Variants in RPS6KA2 observed in about 807,000 individuals in gnomAD.
RPS6KA2 encodes the protein ribosomal protein S6 kinase A2, also known as ribosomal protein S6 kinase alpha-2.
RPS6KA2 carries 42 observed loss-of-function variants against 91.8 expected under a neutral mutation model. The ratio of observed to expected loss-of-function variants is 0.46; its 90% confidence interval spans 0.36 to 0.59. RPS6KA2 has a LOEUF of 0.59. Among genes scored for constraint, RPS6KA2 ranks in the 20% least tolerant of loss-of-function variants. The pLI, the probability that RPS6KA2 is intolerant of heterozygous loss-of-function variation, is 0.00. For missense variants in RPS6KA2, 798 were observed against 978.5 expected, an observed-to-expected ratio of 0.82 and a Z score of 2.46; for synonymous variants, 414 against 393.6, an observed-to-expected ratio of 1.05 and a Z score of -0.61.
In RPS6KA2 at chr6:166,423,564, C is replaced by T; in HGVS notation, c.1582-147G>A. 1.4e-6 allele frequency: 1 copy of T among 703,874 alleles called. No individual in the cohort carries two copies. The highest frequency in any genetic ancestry group is 3.1e-5 in the Admixed American group (1 of 32,452). The allele number at this position is 703,874 out of a possible 1,614,324, so 43.6% of individuals were successfully genotyped here. A position where few individuals can be genotyped will look rare whatever the true frequency, so the allele number is the denominator to read the frequency against. On this transcript the variant is annotated intron_variant, in intron 16 of 20. Transcript: ENST00000265678. This position sits in a 1 kb window ranked among gnomAD's most constrained non-coding sequence, Gnocchi z 4.8. ...GGCAACAGGCCAACAGTGTCAACAG[C>T]TGCTGTCTTCTCCAGAGGGCCCCCC...
chr6:166,450,343 AT>A (rs1779853373), intron 13 of RPS6KA2, among the ~76,000 whole-genome samples: 1 of 142,474 alleles, frequency 7.0e-6, no homozygotes, highest in African/African-American at 2.6e-5. Flanking sequence ...AGGGACCACC[AT>A]GGGAGGCCAC....
At chr6:166,594,473 TC>T (rs1785465867) in intron 1 of RPS6KA2, among the ~76,000 whole-genome samples, 1 of 152,194 alleles carries the variant, frequency 6.6e-6, no homozygotes, top group Non-Finnish European at 1.5e-5. Flanking sequence ...CTTTTTTTTT[TC>T]TTTTTTGAGA....
intron 2 of RPS6KA2, among the ~76,000 whole-genome samples, chr6:166,691,181 G>A (rs746411893): frequency 3.3e-5 from 5 of 152,128 alleles, no homozygotes; most frequent in Non-Finnish European, 2.9e-5. Context: ...TGATTGCCCT[G>A]AAAATTACGG....
intron 2 of RPS6KA2, among the ~76,000 whole-genome samples, chr6:166,727,379 T>C (rs1485790707): frequency 6.6e-6 from 1 of 151,904 alleles, no homozygotes; most frequent in Non-Finnish European, 1.5e-5. Context: ...CTGTAATGTG[T>C]TACCAGTTCC....
intron 1 of RPS6KA2, among the ~76,000 whole-genome samples, chr6:166,573,665 A>C (rs1784755595): frequency 6.6e-6 from 1 of 151,890 alleles, no homozygotes; most frequent in Non-Finnish European, 1.5e-5. Flanking sequence ...TGCTGCACTT[A>C]CTCCCATTGA....
chr6:166,692,457 A>G (rs886697340), intron 2 of RPS6KA2, among the ~76,000 whole-genome samples: 10 of 152,218 alleles, frequency 6.6e-5, no homozygotes, highest in Non-Finnish European at 1.3e-4. Context: ...ACAAGACAGA[A>G]TAACACTGGA....
At chr6:166,503,870 C>T (rs571667301) in intron 6 of RPS6KA2, among the ~76,000 whole-genome samples, 1 of 152,320 alleles carries the variant, frequency 6.6e-6, no homozygotes, top group Non-Finnish European at 1.5e-5. Context: ...AATAGCCTCA[C>T]AGGTCACCAC....
intron 14 of RPS6KA2, among the ~76,000 whole-genome samples, chr6:166,439,030 T>C (rs796837607): frequency 6.6e-6 from 1 of 152,216 alleles, no homozygotes; most frequent in South Asian, 2.1e-4. Flanking sequence ...AGAATTATAT[T>C]ATAAACCCCG....
chr6:166,421,421 A>G (rs185204979), intron 17 of RPS6KA2, among the ~76,000 whole-genome samples: 6 of 152,312 alleles, frequency 3.9e-5, no homozygotes, highest in Admixed American at 1.3e-4. Context: ...TGTGTCCTCC[A>G]TTTGTCTAAA....
rs71639661 is a variant in RPS6KA2 at position 166,767,774 on chromosome 6, AACACACACACACACACACACAC to A, written c.123+90404_123+90425del. Among the ~76,000 whole-genome samples, 2 of 146,854 alleles carry A rather than the reference AACACACACACACACACACACAC, an allele frequency of 1.4e-5. No homozygotes were observed. Among genetic ancestry groups the A allele is most frequent in the Admixed American group, 1.4e-4 (2 of 14,792 alleles). On this transcript the variant is annotated intron_variant, in intron 2 of 21. Coordinates refer to the RPS6KA2 transcript ENST00000503859. The surrounding 1 kb of genome is among the most constrained non-coding windows in gnomAD (Gnocchi z 4.6). ...AAGAACTAAAGACAATACCTCCTCA[AACACACACACACACACACACAC>A]ACACACACACACACACACACCCTGG...
intron 5 of RPS6KA2, among the ~76,000 whole-genome samples, chr6:166,505,633 G>A (rs955378905): frequency 5.3e-5 from 8 of 152,196 alleles, no homozygotes; most frequent in African/African-American, 1.9e-4. Context: ...GGACCTGAAC[G>A]GTGAGTGGCG....
chr6:166,419,146 C>T lies in RPS6KA2; in HGVS notation c.1820+736G>A, dbSNP rs1265173892. Among the ~76,000 whole-genome samples, 1 of 152,242 alleles carries T rather than the reference C, an allele frequency of 6.6e-6. No individual in the cohort carries two copies. Among genetic ancestry groups the T allele is most frequent in the Non-Finnish European group, 1.5e-5 (1 of 68,040 alleles). On this transcript the variant is annotated intron_variant, in intron 18 of 20. Transcript: ENST00000265678. The surrounding 1 kb of genome is among the most constrained non-coding windows in gnomAD (Gnocchi z 5.6). ...AAAGCAGGCCAAGCTCATTCATTCT[C>T]ATGAGGGCATTCAAGCCATTTTGCT... is the stretch of plus-strand genomic sequence containing the variant.
rs1787743702 is a variant in RPS6KA2 at position 166,648,460 on chromosome 6, A to C, written c.124-109676T>G. Among the ~76,000 whole-genome samples the C allele has an allele frequency of 6.6e-6, 1 of 152,230 alleles. No homozygotes were observed. Among genetic ancestry groups the C allele is most frequent in the Non-Finnish European group, 1.5e-5 (1 of 68,042 alleles). On this transcript the variant is annotated intron_variant, in intron 2 of 21. Transcript: ENST00000503859. This position sits in a 1 kb window ranked among gnomAD's most constrained non-coding sequence, Gnocchi z 4.8. ...CCTTTGTACCTGAGACTGGGCAAGAATTACTTGAGAGCAGAAGCCATGTCT... is the reference window on the plus strand; with the variant it reads ...CCTTTGTACCTGAGACTGGGCAAGACTTACTTGAGAGCAGAAGCCATGTCT...
At chr6:166,524,484 G>A (rs1782958993) in intron 3 of RPS6KA2, among the ~76,000 whole-genome samples, 1 of 152,086 alleles carries the variant, frequency 6.6e-6, no homozygotes, top group Admixed American at 6.6e-5. Flanking sequence ...CATGATCACA[G>A]GCCTTTCATA....
At chr6:166,631,719 C>T (rs959952526), upstream of RPS6KA2, among the ~76,000 whole-genome samples, 11 of 152,124 alleles carry the variant, frequency 7.2e-5, no homozygotes, top group African/African-American at 1.4e-4. Context: ...TCCCAAACAG[C>T]GAGAAGGGAG....
intron 8 of RPS6KA2, among the ~76,000 whole-genome samples, chr6:166,491,177 G>A (rs2128474066): frequency 1.3e-5 from 2 of 152,316 alleles, no homozygotes; most frequent in Middle Eastern, 6.8e-3. Context: ...ATGCCTGGAT[G>A]GTGGGGGCTA....
At chr6:166,630,335 T>G (rs929659775), upstream of RPS6KA2, among the ~76,000 whole-genome samples, 6 of 152,270 alleles carry the variant, frequency 3.9e-5, no homozygotes, top group African/African-American at 1.4e-4. Context: ...AAATGTCTGT[T>G]CGTCTCCAAA....
chr6:166,498,162 G>A (rs78471492), intron 8 of RPS6KA2, among the ~76,000 whole-genome samples: 2,860 of 152,344 alleles, frequency 0.019, 39 homozygotes, highest in East Asian at 0.049. Context: ...GTAACTAAGC[G>A]CAAGGATTCT....
intron 2 of RPS6KA2, among the ~76,000 whole-genome samples, chr6:166,826,842 T>C (rs1373655144): frequency 6.6e-6 from 1 of 152,208 alleles, no homozygotes; most frequent in African/African-American, 2.4e-5. Flanking sequence ...ATAATTAACC[T>C]CAGACCATAG....
Sources: allele counts gnomAD v4.1 joint callset (sites outside exome capture counted in the v4.1 genomes callset), GRCh38; gene constraint gnomAD v4.1.1; non-coding constraint Gnocchi (gnomAD v3.1); transcripts MANE v1.5; gene names NCBI Gene and HGNC (gene_info 2026-07-23, HGNC 2026-07-21).